Variants in HYDIN observed in about 807,000 individuals in gnomAD.
HYDIN encodes axonemal central pair apparatus protein HYDIN.
HYDIN carries 132 observed loss-of-function variants against 403.9 expected under a neutral mutation model. The ratio of observed to expected loss-of-function variants is 0.33; its 90% CI spans 0.28 to 0.38. HYDIN has a LOEUF of 0.38. HYDIN is among the 10% of genes least tolerant of loss of function. The pLI, the probability that HYDIN is intolerant of heterozygous loss-of-function variation, is 1.00. For synonymous variants in HYDIN, 1,202 were observed against 1,891.7 expected (o/e 0.64, Z 9.46); for missense variants, 2,827 against 5,009.5 (o/e 0.56, Z 13.15).
Position 71,178,610 on chromosome 16 carries a change from T to C in HYDIN, c.381+318A>G, listed in dbSNP as rs59245963. 4.0e-3 allele frequency among the ~76,000 whole-genome samples: 612 copies of C among 151,988 alleles called. 3 individuals carry two copies. The highest frequency in any genetic ancestry group is 0.013 in the African/African-American group (558 of 41,468). ...ATAAACATTAATAGTAATTTCCCTA[T>C]CTTAAATAAAAACCTAGCCCAATTT... On this transcript the variant is annotated intron_variant, in intron 4 of 85. Coordinates refer to ENST00000393567, the MANE Select transcript of HYDIN (RefSeq NM_001270974.2).
intron 55 of HYDIN, chr16:70,893,876 C>T (rs1454725394): frequency 6.6e-6 from 1 of 152,558 alleles, no homozygotes; most frequent in African/African-American, 2.4e-5. Flanking sequence ...GAGCTCTATT[C>T]TACCAAGCTA....
chr16:71,194,513 G>C (rs1355442922), intron 1 of HYDIN, among the ~76,000 whole-genome samples: 1 of 152,120 alleles, frequency 6.6e-6, no homozygotes, highest in Non-Finnish European at 1.5e-5. Context: ...AAAGGCTTGG[G>C]GTCATCAGAC....
chr16:70,979,404 G>C (rs1009315037), intron 29 of HYDIN, among the ~76,000 whole-genome samples: 7 of 151,988 alleles, frequency 4.6e-5, no homozygotes, highest in Non-Finnish European at 1.0e-4. Context: ...AGCTCTCCCA[G>C]TGCTGGACAA....
rs376368556 is a variant in HYDIN, at chr16:70,818,457, G to A, written c.14543C>T (p.Ala4848Val). ...GTTCTCCAACTTGATGGAGGCTGAC[G>A]CAACTTGCCGGACTGGGGTCACCAT... Reference protein sequence around the residue: ...IEMVTPVRQVASASIKLENPL... With the variant: ...IEMVTPVRQVVSASIKLENPL... The change falls in exon 84 of 86, where the codon GCG (alanine) becomes GTG (valine). Residue 4848 changes from alanine (A) to valine (V), a missense_variant. Physicochemically the swap from Ala to Val is moderately conservative, Grantham distance 64. Coordinates refer to ENST00000393567, the MANE Select transcript of HYDIN (RefSeq NM_001270974.2). The A allele has an allele frequency of 2.8e-4, 448 of 1,589,976 alleles. 8 individuals carry two copies. The South Asian group carries it at 3.7e-3, about 13-fold the overall frequency.
intron 4 of HYDIN, among the ~76,000 whole-genome samples, chr16:71,178,434 A>AAATATATATAT (rs1555501894): frequency 2.1e-5 from 2 of 94,572 alleles, no homozygotes; most frequent in African/African-American, 9.3e-5. Context: ...AAAAAAAAAA[A>AAATATATATAT]ATATATATAT....
intron 7 of HYDIN, among the ~76,000 whole-genome samples, chr16:71,138,815 G>GT (rs1465943292): frequency 1.3e-5 from 2 of 152,170 alleles, no homozygotes; most frequent in African/African-American, 4.8e-5. Flanking sequence ...TGGTTGTGGT[G>GT]GCTCATGCAT....
intron 10 of HYDIN, among the ~76,000 whole-genome samples, chr16:71,096,361 A>C (rs1280651801): frequency 2.0e-5 from 3 of 152,184 alleles, no homozygotes; most frequent in African/African-American, 7.2e-5. Context: ...TTATCCTTTC[A>C]GGGGCTTGTA....
chr16:71,136,177 A>T (rs1191905456), intron 8 of HYDIN, among the ~76,000 whole-genome samples: 1 of 134,634 alleles, frequency 7.4e-6, no homozygotes, highest in African/African-American at 2.8e-5. Flanking sequence ...TCAAAATTTA[A>T]CAGTGATGAG....
chr16:71,175,009 T>A (rs2086609375), intron 5 of HYDIN, among the ~76,000 whole-genome samples: 1 of 151,978 alleles, frequency 6.6e-6, no homozygotes, highest in Non-Finnish European at 1.5e-5. Flanking sequence ...TGTCTCAGCA[T>A]TCCTCTCGTG....
intron 7 of HYDIN, among the ~76,000 whole-genome samples, chr16:71,151,088 G>C (rs1467597150): frequency 1.3e-5 from 2 of 152,118 alleles, no homozygotes; most frequent in Non-Finnish European, 2.9e-5. Flanking sequence ...TGCCTTGCTG[G>C]TGGGAATGTA....
At position 70,904,518 on chromosome 16, in the gene HYDIN, T is replaced by TTTTTTTTTTTTTTTTTTTTTTTTTTTTG. The variant is rs767375464; in HGVS notation, c.8517-455_8517-454insCAAAAAAAAAAAAAAAAAAAAAAAAAAA. On this transcript the variant is annotated intron_variant, in intron 50 of 85. Transcript: ENST00000393567. Reference sequence around the variant, plus strand: ...TTTTTTTTTTTTTTTTTTTTTTTTTTTGAGGGAGTTTCGTTCTTGTTGCCC... The same window carrying TTTTTTTTTTTTTTTTTTTTTTTTTTTTG: ...TTTTTTTTTTTTTTTTTTTTTTTTTTTTTTTTTTTTTTTTTTTTTTTTTTTTTGTGAGGGAGTTTCGTTCTTGTTGCCC... Among the ~76,000 whole-genome samples the TTTTTTTTTTTTTTTTTTTTTTTTTTTTG allele has an allele frequency of 1.1e-3, 41 of 37,014 alleles. 15 individuals carry two copies. The highest frequency in any genetic ancestry group is 2.7e-3 in the South Asian group (3 of 1,114). 24.3% of individuals were successfully genotyped at this position (37,014 alleles called of 152,430 possible). A position where few individuals can be genotyped will look rare whatever the true frequency, so the allele number is the denominator to read the frequency against.
At chr16:70,819,730 T>G (rs1472173695) in intron 83 of HYDIN, among the ~76,000 whole-genome samples, 3 of 149,574 alleles carry the variant, frequency 2.0e-5, no homozygotes, top group Non-Finnish European at 4.5e-5. Flanking sequence ...TGTTTTATCT[T>G]ATTATTATTA....
chr16:70,923,486 A>G lies in HYDIN; in HGVS notation c.7159-2269T>C, dbSNP rs1358655236. 2.5e-4 allele frequency among the ~76,000 whole-genome samples: 28 copies of G among 111,320 alleles called. 1 individual carries two copies. Among genetic ancestry groups the G allele is most frequent in the Non-Finnish European group, 4.6e-4 (24 of 52,462 alleles). 73.0% of individuals were successfully genotyped at this position (111,320 alleles called of 152,430 possible). On this transcript the variant is annotated intron_variant, in intron 45 of 85. Transcript: ENST00000393567. ...TCCATCTCCAAAAAAAAAAAAAAAA[A>G]AAAGAAAGAAGGATATTATTAAAAA...
chr16:70,832,980 A>C lies in HYDIN; in HGVS notation c.13767T>G (p.Phe4589Leu). The C allele has an allele frequency of 6.2e-7, 1 of 1,614,228 alleles. No homozygotes were observed. Among genetic ancestry groups the C allele is most frequent in the Non-Finnish European group, 8.5e-7 (1 of 1,180,016 alleles). ...GYITSGMEVS[F>L]EVTYHPTEVG... Reference sequence around the variant, plus strand: ...CCTCGGTGGGATGGTAGGTCACTTCAAAAGAAACCTCCATGCCTGAGGTAA... The same window carrying C: ...CCTCGGTGGGATGGTAGGTCACTTCCAAAGAAACCTCCATGCCTGAGGTAA... Residue 4589 changes from phenylalanine to leucine, a missense_variant, in exon 80 of 86, where the codon TTT (phenylalanine) becomes TTG (leucine). Transcript: ENST00000393567.
At position 70,866,947 on chromosome 16, in the gene HYDIN, C is replaced by T. The variant is rs1459157273; in HGVS notation, c.11311-618G>A. Among the ~76,000 whole-genome samples, 2 of 149,880 alleles carry T rather than the reference C, an allele frequency of 1.3e-5. 1 individual carries two copies. Among genetic ancestry groups the T allele is most frequent in the African/African-American group, 4.9e-5 (2 of 40,738 alleles). ...GGCTGGGGCATGAGACTCTCTTGAA[C>T]CTAGGAGGTGGAGGTTGCAGTGAGC... is the stretch of plus-strand genomic sequence containing the variant. On this transcript the variant is annotated intron_variant, in intron 66 of 85. Coordinates refer to ENST00000393567, the MANE Select transcript of HYDIN (RefSeq NM_001270974.2).
intron 71 of HYDIN, among the ~76,000 whole-genome samples, chr16:70,859,540 A>T: frequency 6.6e-6 from 1 of 152,090 alleles, no homozygotes; most frequent in Non-Finnish European, 1.5e-5. Flanking sequence ...TTCTGTCTTC[A>T]AGATTCTCTG....
At chr16:71,062,411 T>C in intron 16 of HYDIN, 78 bp from the exon 17 acceptor site, 1 of 1,242,462 alleles carries the variant, frequency 8.0e-7, no homozygotes, top group East Asian at 2.5e-5. Flanking sequence ...TGAAGTGTTT[T>C]CCTGAGTCCG....
chr16:71,086,151 T>A (rs1172272587), intron 12 of HYDIN, among the ~76,000 whole-genome samples: 1 of 151,910 alleles, frequency 6.6e-6, no homozygotes, highest in African/African-American at 2.4e-5. Flanking sequence ...TTTCTTTTAC[T>A]GTATTTTTAA....
At position 70,914,823 on chromosome 16, in the gene HYDIN, G is replaced by GTTCATGTTTTCTTATTCTTTC. The variant is rs1240212025; in HGVS notation, c.8004+3367_8004+3387dup. ...TAATCCCAGACTTCTTGGAGGCTTT[G>GTTCATGTTTTCTTATTCTTTC]TTCATGTTTTCTTATTCTTTCTTCT... On this transcript the variant is annotated intron_variant, in intron 47 of 85. Transcript: ENST00000393567. 2.1e-5 allele frequency among the ~76,000 whole-genome samples: 2 copies of GTTCATGTTTTCTTATTCTTTC among 94,992 alleles called. 1 individual carries two copies. The highest frequency in any genetic ancestry group is 4.9e-5 in the Non-Finnish European group (2 of 40,456). The allele number at this position is 94,992 out of a possible 152,430, so 62.3% of individuals were successfully genotyped here. A position where few individuals can be genotyped will look rare whatever the true frequency, so the allele number is the denominator to read the frequency against.
Sources: allele counts gnomAD v4.1 joint callset (sites outside exome capture counted in the v4.1 genomes callset), GRCh38; gene constraint gnomAD v4.1.1; transcripts MANE v1.5; gene names NCBI Gene and HGNC (gene_info 2026-07-23, HGNC 2026-07-21).